The following ZNF556 variants were observed in gnomAD, a reference collection of about 807,000 sequenced individuals.
ZNF556 encodes the protein zinc finger protein 556.
In ZNF556, 11 loss-of-function variants were observed where a neutral mutation model predicts 13.6. That is an observed-to-expected ratio of 0.81 (90% CI 0.51 to 1.33). The LOEUF (loss-of-function observed/expected upper bound fraction) is 1.33. Among genes scored for constraint, ZNF556 ranks in the 40% most tolerant of loss-of-function variants. The pLI is 0.00. For missense variants in ZNF556, 633 were observed against 566.2 expected, an observed-to-expected ratio of 1.12 and a Z score of -1.20; for synonymous variants, 229 against 207.8, an observed-to-expected ratio of 1.10 and a Z score of -0.88.
chr19:2,868,334 C>CA (rs2087774607), intron 1 of ZNF556, among the ~76,000 whole-genome samples: 1 of 152,206 alleles, frequency 6.6e-6, no homozygotes, highest in South Asian at 2.1e-4. Flanking sequence ...TGGTGAATTA[C>CA]AAAAACTCGC....
At chr19:2,874,569 C>T (rs1009792581) in intron 2 of ZNF556, among the ~76,000 whole-genome samples, 1 of 151,668 alleles carries the variant, frequency 6.6e-6, no homozygotes, top group African/African-American at 2.4e-5. Flanking sequence ...ATAGTGAAAC[C>T]CTGTCTCTAC....
In ZNF556 at chr19:2,877,515, G is replaced by T. The variant is rs202141702; in HGVS notation, c.557G>T (p.Arg186Leu). ...KCKECGKAFS[R>L]PSYLQTHEKT... ...AAGGAATGTGGGAAAGCCTTCAGTC[G>T]CCCTTCCTACCTACAGACGCATGAG... The change falls in exon 4 of 4, where the codon CGC becomes CTC. Residue 186 changes from arginine to leucine, a missense_variant. Transcript: ENST00000307635. 8.4e-5 allele frequency: 136 copies of T among 1,614,120 alleles called. No homozygotes were observed. In the East Asian group the frequency reaches 1.9e-3, roughly 22 times the overall value.
rs1165074215 is a variant in ZNF556, at chr19:2,878,388, G to A, written c.*59G>A. On this transcript the variant is annotated 3_prime_UTR_variant, in exon 4 of 4. Transcript: ENST00000307635. ...ATGGTTCAGAAAATTCACAGCAGGA[G>A]GGCCGGGCGCAGTGGCTCACGCCTG... 1 of 1,560,052 alleles carries A rather than the reference G, an allele frequency of 6.4e-7. No individual in the cohort carries two copies. Among genetic ancestry groups the A allele is most frequent in the South Asian group, 1.2e-5 (1 of 82,184 alleles).
intron 1 of ZNF556, among the ~76,000 whole-genome samples, chr19:2,872,950 T>C (rs951839300): frequency 6.6e-6 from 1 of 151,970 alleles, no homozygotes. Flanking sequence ...CTGGCCAACA[T>C]GGTGAAACCC....
rs1292614072 is a variant in ZNF556, at chr19:2,878,499, C to G, written c.*170C>G. 6 of 553,446 alleles carry G rather than the reference C, an allele frequency of 1.1e-5. No homozygotes were observed. Among genetic ancestry groups the G allele is most frequent in the South Asian group, 2.4e-5 (1 of 41,256 alleles). The allele number at this position is 553,446 out of a possible 1,614,324, so 34.3% of individuals were successfully genotyped here. ...TCCTGGCTATGGTGAAACCCCGTCT[C>G]TACTAAAAAAAAAAAAAATACAAAA... On this transcript the variant is annotated 3_prime_UTR_variant, in exon 4 of 4. Coordinates refer to ENST00000307635, the MANE Select transcript of ZNF556 (RefSeq NM_024967.3).
rs543431666 is a variant in ZNF556, at chr19:2,868,236, G to T, written c.3+812G>T. Reference sequence around the variant, plus strand: ...GACGGGGCTCCCGGGAAAAAGAATCGCAGAGAAAGAGAGAAAATCTCTCTT... The same window carrying T: ...GACGGGGCTCCCGGGAAAAAGAATCTCAGAGAAAGAGAGAAAATCTCTCTT... On this transcript the variant is annotated intron_variant, in intron 1 of 3. Coordinates refer to ENST00000307635, the MANE Select transcript of ZNF556 (RefSeq NM_024967.3). Among the ~76,000 whole-genome samples, 3 of 151,994 alleles carry T rather than the reference G, an allele frequency of 2.0e-5. 1 individual carries two copies. The highest frequency in any genetic ancestry group is 2.1e-4 in the South Asian group (1 of 4,818).
intron 2 of ZNF556, among the ~76,000 whole-genome samples, chr19:2,874,757 A>AG (rs1222040167): frequency 1.7e-4 from 25 of 146,862 alleles, no homozygotes; most frequent in South Asian, 4.5e-4. Flanking sequence ...AAAAAAAAAA[A>AG]AAAAGAAAGA....
intron 3 of ZNF556, 126 bp downstream of exon 3, chr19:2,876,402 C>A: frequency 7.5e-6 from 7 of 927,742 alleles, no homozygotes; most frequent in Non-Finnish European, 1.1e-5. Context: ...CCAGCCTGAC[C>A]CATATGGTGA....
rs1599582839 is a variant in ZNF556 at position 2,877,449 on chromosome 19, G to A, written c.491G>A (p.Arg164Lys). ...KLFTHSSSLI[R>K]HKRAHSGQKL... ...TTCACCCATTCCTCATCCCTGATAA[G>A]GCACAAAAGAGCTCACTCTGGACAA... Residue 164 changes from arginine to lysine, a missense_variant, in exon 4 of 4, where the codon AGG (arginine) becomes AAG (lysine). Arg to Lys is a conservative substitution (Grantham distance 26). Coordinates refer to ENST00000307635, the MANE Select transcript of ZNF556 (RefSeq NM_024967.3). 6.2e-7 allele frequency: 1 copy of A among 1,614,170 alleles called. No individual in the cohort carries two copies.
chr19:2,869,342 A>C (rs956075473), intron 1 of ZNF556, among the ~76,000 whole-genome samples: 2 of 150,934 alleles, frequency 1.3e-5, no homozygotes, highest in African/African-American at 4.8e-5. Flanking sequence ...TGAGCCCATG[A>C]GGAAATTTTA....
rs1414986663 is a variant in ZNF556, at chr19:2,883,072, G to A, written c.*4743G>A. The A allele has an allele frequency of 6.6e-6, 1 of 152,126 alleles. No individual in the cohort carries two copies. Among genetic ancestry groups the A allele is most frequent in the Non-Finnish European group, 1.5e-5 (1 of 68,028 alleles). 9.4% of individuals were successfully genotyped at this position (152,126 alleles called of 1,614,324 possible). ...TCCTCACAGGGTGAGGAAGAGTTAT[G>A]GTCATCTGCACAGTTGTAGCCCGTT... On this transcript the variant is annotated 3_prime_UTR_variant, in exon 4 of 4. Coordinates refer to ENST00000307635, the MANE Select transcript of ZNF556 (RefSeq NM_024967.3).
chr19:2,872,295 C>T (rs746782627), intron 1 of ZNF556, among the ~76,000 whole-genome samples: 6 of 151,162 alleles, frequency 4.0e-5, no homozygotes, highest in South Asian at 2.1e-4. Context: ...TTGACACTTA[C>T]GCTACCGCTA....
chr19:2,876,873 G>A (rs944906029), intron 3 of ZNF556, among the ~76,000 whole-genome samples: 10 of 152,226 alleles, frequency 6.6e-5, no homozygotes, highest in Middle Eastern at 3.4e-3. Context: ...ACTTACCCTT[G>A]TATAGAAAAT....
Position 2,877,430 on chromosome 19 carries a change from C to T in ZNF556, c.472C>T (p.His158Tyr), listed in dbSNP as rs1011841599. Residue 158 changes from histidine to tyrosine, a missense_variant, in exon 4 of 4, where the codon CAT (histidine) becomes TAT (tyrosine). Coordinates refer to ENST00000307635, the MANE Select transcript of ZNF556 (RefSeq NM_024967.3). ...CAGTCAGTGTGGAAAACTCTTCACC[C>T]ATTCCTCATCCCTGATAAGGCACAA... ...ECSQCGKLFT[H>Y]SSSLIRHKRA... 3 of 1,614,148 alleles carry T rather than the reference C, an allele frequency of 1.9e-6. No homozygotes were observed. Among genetic ancestry groups the T allele is most frequent in the Non-Finnish European group, 2.5e-6 (3 of 1,180,026 alleles).
chr19:2,878,545 G>C lies in ZNF556; in HGVS notation c.*216G>C. ...CAAAAAATTAGCCGGGCGTGGTGGC[G>C]GGCACCTGTAGTCCCAGCTGCTCAG... On this transcript the variant is annotated 3_prime_UTR_variant, in exon 4 of 4. Transcript: ENST00000307635. 2 of 405,372 alleles carry C rather than the reference G, an allele frequency of 4.9e-6. No individual in the cohort carries two copies. Among genetic ancestry groups the C allele is most frequent in the South Asian group, 2.4e-5 (1 of 40,976 alleles). The allele number at this position is 405,372 out of a possible 1,614,324, so 25.1% of individuals were successfully genotyped here.
chr19:2,876,407 T>C (rs998584767), intron 3 of ZNF556, 131 bp downstream of exon 3: 3 of 869,026 alleles, frequency 3.5e-6, no homozygotes, highest in Non-Finnish European at 5.1e-6. Flanking sequence ...CTGACCCATA[T>C]GGTGAAACCT....
Position 2,880,622 on chromosome 19 carries a change from A to C in ZNF556, c.*2293A>C, listed in dbSNP as rs1218653445. The C allele has an allele frequency of 6.6e-6, 1 of 151,920 alleles. No homozygotes were observed. Among genetic ancestry groups the C allele is most frequent in the Non-Finnish European group, 1.5e-5 (1 of 68,032 alleles). 9.4% of individuals were successfully genotyped at this position (151,920 alleles called of 1,614,324 possible). ...ATCTCTACTAAAAATACAAAATATT[A>C]GTGGGGTGTGCTGGTAGGTGCCTGT... On this transcript the variant is annotated 3_prime_UTR_variant, in exon 4 of 4. Transcript: ENST00000307635.
chr19:2,878,730 T>C lies in ZNF556; in HGVS notation c.*401T>C, dbSNP rs2087883000. The C allele has an allele frequency of 1.2e-5, 2 of 166,046 alleles. No individual in the cohort carries two copies. The highest frequency in any genetic ancestry group is 5.7e-5 in the Admixed American group (1 of 17,578). 10.3% of individuals were successfully genotyped at this position (166,046 alleles called of 1,614,324 possible). ...AATCTCATGACGTTTATAAATATGG[T>C]ATTGCCTTTATCAGGACCACATCCT... On this transcript the variant is annotated 3_prime_UTR_variant, in exon 4 of 4. Transcript: ENST00000307635.
intron 1 of ZNF556, 87 bp downstream of exon 1, chr19:2,867,511 G>C (rs2087765964): frequency 6.5e-7 from 1 of 1,544,540 alleles, no homozygotes; most frequent in African/African-American, 1.4e-5. Context: ...ACTCCCGGGG[G>C]AGCCGCCCGG....
Sources: allele counts gnomAD v4.1 joint callset (sites outside exome capture counted in the v4.1 genomes callset), GRCh38; gene constraint gnomAD v4.1.1; transcripts MANE v1.5; gene names NCBI Gene and HGNC (gene_info 2026-07-23, HGNC 2026-07-21).